DSCAM: variants seen among roughly 807,000 people sequenced by gnomAD.
DSCAM encodes the protein DS cell adhesion molecule, also known as cell adhesion molecule DSCAM.
DSCAM carries 47 observed loss-of-function variants against 217.7 expected under a neutral mutation model. That is an observed-to-expected ratio of 0.22 (90% CI 0.17 to 0.28). The LOEUF is 0.28. DSCAM is among the 10% of genes least tolerant of loss of function. The pLI is 1.00. For missense variants in DSCAM, 2,080 were observed against 2,618.3 expected, an observed-to-expected ratio of 0.79 and a Z score of 4.49; for synonymous variants, 1,056 against 1,015.3, an observed-to-expected ratio of 1.04 and a Z score of -0.76.
intron 1 of DSCAM, among the ~76,000 whole-genome samples, chr21:40,807,165 G>A (rs776648938): frequency 7.2e-5 from 11 of 152,084 alleles, no homozygotes; most frequent in African/African-American, 2.2e-4. Context: ...TAGGAGAAAC[G>A]TAATATAAGG....
At position 40,011,188 on chromosome 21, in the gene DSCAM, C is replaced by T. The variant is rs1013585811; in HGVS notation, c.*1846G>A. 12 of 152,052 alleles carry T rather than the reference C, an allele frequency of 7.9e-5. No individual in the cohort carries two copies. The highest frequency in any genetic ancestry group is 3.3e-4 in the Admixed American group (5 of 15,272). The allele number at this position is 152,052 out of a possible 1,614,324, so 9.4% of individuals were successfully genotyped here. A position where few individuals can be genotyped will look rare whatever the true frequency, so the allele number is the denominator to read the frequency against. On this transcript the variant is annotated 3_prime_UTR_variant, in exon 33 of 33. Transcript: ENST00000400454. ...AGTATGCAAACAGTACACGTCAACA[C>T]GGATTACATTCTGAAACCATGGATG...
intron 3 of DSCAM, among the ~76,000 whole-genome samples, chr21:40,415,841 C>T (rs1190522273): frequency 6.6e-6 from 1 of 152,116 alleles, no homozygotes; most frequent in African/African-American, 2.4e-5. Flanking sequence ...ACACACCTTC[C>T]CCCAACTCTC....
intron 3 of DSCAM, among the ~76,000 whole-genome samples, chr21:40,382,153 T>G (rs888759689): frequency 6.6e-6 from 1 of 152,342 alleles, no homozygotes; most frequent in African/African-American, 2.4e-5. Context: ...CCTTGGATTC[T>G]TAAAGTTCTC....
chr21:40,116,056 A>C (rs1447948911), intron 20 of DSCAM, among the ~76,000 whole-genome samples: 1 of 152,220 alleles, frequency 6.6e-6, no homozygotes, highest in Non-Finnish European at 1.5e-5. Flanking sequence ...TGGAAATAGA[A>C]AAACAAATAC....
intron 1 of DSCAM, among the ~76,000 whole-genome samples, chr21:40,737,964 C>T (rs921824692): frequency 1.3e-5 from 2 of 152,216 alleles, no homozygotes; most frequent in Admixed American, 1.3e-4. Flanking sequence ...TTTCTGACCA[C>T]ACTTTAGTCT....
chr21:40,444,945 T>C (rs961077841), intron 3 of DSCAM, among the ~76,000 whole-genome samples: 2 of 152,176 alleles, frequency 1.3e-5, no homozygotes, highest in East Asian at 3.9e-4. Flanking sequence ...TTGCCCTACA[T>C]TGTCTATGTT....
intron 3 of DSCAM, chr21:40,621,524 C>CAG (rs2089517071): frequency 6.6e-6 from 1 of 152,088 alleles, no homozygotes; most frequent in Non-Finnish European, 1.5e-5. Context: ...ACTGGATGCC[C>CAG]TTTGCAGCCA....
intron 1 of DSCAM, among the ~76,000 whole-genome samples, chr21:40,779,285 G>C (rs747299443): frequency 3.3e-5 from 5 of 152,138 alleles, no homozygotes; most frequent in Non-Finnish European, 5.9e-5. Flanking sequence ...TATTACCATA[G>C]CCTGACTGAC....
chr21:40,499,279 T>C (rs1286263017), intron 3 of DSCAM, among the ~76,000 whole-genome samples: 3 of 152,178 alleles, frequency 2.0e-5, no homozygotes, highest in Non-Finnish European at 4.4e-5. Context: ...TATTGAGGAA[T>C]CTAGCTCAAC....
chr21:40,230,937 C>G (rs11910528), intron 11 of DSCAM, among the ~76,000 whole-genome samples: 7,859 of 151,950 alleles, frequency 0.052, 378 homozygotes, highest in African/African-American at 0.11. Context: ...CAACCCCCAC[C>G]CGGCATCCCT....
chr21:40,207,829 C>T lies in DSCAM; in HGVS notation c.2357-18591G>A, dbSNP rs7348991. Among the ~76,000 whole-genome samples, 703 of 152,280 alleles carry T rather than the reference C, an allele frequency of 4.6e-3. 9 individuals are homozygous for T. Among genetic ancestry groups the T allele is most frequent in the African/African-American group, 0.016 (654 of 41,542 alleles). The stretch of plus-strand genomic sequence containing the variant: ...GTTGATTCCTCCTGAGGCCTCTCTC[C>T]GTGGCTTGCAGATAACCATCTTCAC... On this transcript the variant is annotated intron_variant, in intron 11 of 32. Coordinates refer to ENST00000400454, the MANE Select transcript of DSCAM (RefSeq NM_001389.5).
chr21:40,271,697 C>T (rs1246148691), intron 11 of DSCAM, among the ~76,000 whole-genome samples: 1 of 152,062 alleles, frequency 6.6e-6, no homozygotes, highest in Non-Finnish European at 1.5e-5. Flanking sequence ...AAGCTACACG[C>T]TTCCCTCATA....
At chr21:40,338,973 C>T in intron 7 of DSCAM, 146 bp downstream of exon 7, 1 of 1,043,866 alleles carries the variant, frequency 9.6e-7, no homozygotes. Context: ...CAGTGCCATT[C>T]CTGAGTAGGA....
chr21:40,410,267 TC>T (rs1409709365), intron 3 of DSCAM, among the ~76,000 whole-genome samples: 2 of 152,082 alleles, frequency 1.3e-5, no homozygotes, highest in Non-Finnish European at 2.9e-5. Context: ...GAAGAAATCA[TC>T]TGTGAACTCA....
intron 11 of DSCAM, among the ~76,000 whole-genome samples, chr21:40,199,431 C>T (rs190229622): frequency 1.3e-5 from 2 of 152,268 alleles, no homozygotes; most frequent in East Asian, 3.9e-4. Flanking sequence ...CAAGTCTTTG[C>T]TATTGTAAAT....
intron 30 of DSCAM, among the ~76,000 whole-genome samples, 164 bp downstream of exon 30, chr21:40,051,794 C>G (rs1177409965): frequency 1.3e-5 from 2 of 152,128 alleles, no homozygotes; most frequent in Admixed American, 6.5e-5. Context: ...TAGCCAAGAT[C>G]CATCAATAAC....
intron 3 of DSCAM, among the ~76,000 whole-genome samples, chr21:40,521,486 G>C (rs761033036): frequency 6.6e-6 from 1 of 152,078 alleles, no homozygotes; most frequent in African/African-American, 2.4e-5. Context: ...ATTGTGGTTT[G>C]GATTTGCATT....
chr21:40,724,807 T>G (rs1370831550), intron 1 of DSCAM, among the ~76,000 whole-genome samples: 1 of 152,228 alleles, frequency 6.6e-6, no homozygotes, highest in East Asian at 1.9e-4. Context: ...ACTAATACAC[T>G]GTTGAGCATT....
intron 3 of DSCAM, among the ~76,000 whole-genome samples, chr21:40,438,901 A>C (rs983298421): frequency 6.6e-6 from 1 of 152,102 alleles, no homozygotes; most frequent in Non-Finnish European, 1.5e-5. Flanking sequence ...TAGATTTATA[A>C]ATTTTACAAT....
Sources: gnomAD v4.1 joint callset for allele counts (sites outside exome capture counted in the v4.1 genomes callset) on GRCh38, gnomAD v4.1.1 for gene constraint, MANE v1.5 for transcripts, NCBI Gene and HGNC (gene_info 2026-07-23, HGNC 2026-07-21) for gene names.